Variants in SDK1 observed in about 807,000 individuals in gnomAD.
The protein encoded by SDK1 is protein sidekick-1.
Under a neutral mutation model 245.5 loss-of-function variants are expected in SDK1, and 157 were observed. The ratio of observed to expected loss-of-function variants is 0.64; its 90% confidence interval spans 0.56 to 0.73. The LOEUF (loss-of-function observed/expected upper bound fraction) is 0.73, where lower values mean the gene tolerates loss of function less well. Ranked by LOEUF, SDK1 falls within the 30% of genes least tolerant of loss-of-function variation. The probability of loss-of-function intolerance (pLI) is 0.00; values close to 1 mark genes in which losing one functional copy is unlikely to be tolerated. For missense variants in SDK1, 3,583 were observed against 3,002.3 expected (o/e 1.19, Z -4.52); for synonymous variants, 1,647 against 1,278.5 (o/e 1.29, Z -6.15).
rs375104708 is a variant in SDK1, at chr7:3,349,197, A to AAAG, written c.298+47313_298+47314insAAG. 7.9e-3 allele frequency among the ~76,000 whole-genome samples: 1,188 copies of AAAG among 149,688 alleles called. 5 individuals are homozygous for AAAG. The highest frequency in any genetic ancestry group is 0.017 in the Middle Eastern group (5 of 294). On this transcript the variant is annotated intron_variant, in intron 1 of 44. Coordinates refer to ENST00000404826, the MANE Select transcript of SDK1 (RefSeq NM_152744.4). The stretch of plus-strand genomic sequence containing the variant: ...CCCTGTGGTTGCAGTTTAAAAAAAA[A>AAAG]CAACAAAAAAAACACAACAAAACAA...
At chr7:3,675,085 C>G (rs552148053) in intron 4 of SDK1, among the ~76,000 whole-genome samples, 1 of 152,318 alleles carries the variant, frequency 6.6e-6, no homozygotes, top group South Asian at 2.1e-4. Flanking sequence ...CGTGAGCCAT[C>G]TCCACGTGTG....
chr7:3,522,613 G>C (rs1782979634), intron 1 of SDK1, among the ~76,000 whole-genome samples: 1 of 151,952 alleles, frequency 6.6e-6, no homozygotes, highest in Non-Finnish European at 1.5e-5. Flanking sequence ...TTGATGATTG[G>C]GACCACCTGG....
chr7:3,747,833 T>C (rs1779669714), intron 4 of SDK1, among the ~76,000 whole-genome samples: 1 of 151,864 alleles, frequency 6.6e-6, no homozygotes, highest in African/African-American at 2.4e-5. Context: ...GCAGACCCTG[T>C]ACAGGGAGGC....
chr7:4,234,175 T>G (rs1009757151), intron 41 of SDK1, among the ~76,000 whole-genome samples: 6 of 152,202 alleles, frequency 3.9e-5, no homozygotes, highest in Non-Finnish European at 8.8e-5. Context: ...GTAGCTGCTC[T>G]GGGCTCAAGG....
At chr7:4,214,837 C>G (rs535515079) in intron 38 of SDK1, among the ~76,000 whole-genome samples, 3 of 152,344 alleles carry the variant, frequency 2.0e-5, no homozygotes, top group African/African-American at 4.8e-5. Context: ...CCATGGGGCC[C>G]CCGCCGGGGT....
rs183264701 is a variant in SDK1 at position 3,604,341 on chromosome 7, C to T, written c.299-14739C>T. The stretch of plus-strand genomic sequence containing the variant: ...TATTACTTTTCTCTGTCCCTTTTTA[C>T]TGATTCTGCTCTTACCTTTATTATT... On this transcript the variant is annotated intron_variant, in intron 1 of 44. Transcript: ENST00000404826. Among the ~76,000 whole-genome samples, 17 of 152,232 alleles carry T rather than the reference C, an allele frequency of 1.1e-4. No individual in the cohort carries two copies. In the East Asian group the frequency reaches 2.9e-3, roughly 26 times the overall value.
At chr7:3,529,469 G>A (rs1310057939) in intron 1 of SDK1, among the ~76,000 whole-genome samples, 1 of 152,188 alleles carries the variant, frequency 6.6e-6, no homozygotes, top group African/African-American at 2.4e-5. Context: ...GACTCTCACT[G>A]GCCAAATTTT....
Position 3,965,768 on chromosome 7 carries a change from C to CA in SDK1, c.1430-1550_1430-1549insA, listed in dbSNP as rs1554292113. ...GAGCAGGTGCGGTGGCATATTGAGC[C>CA]GGGGCCTCCCCCAGACAGTGTGGCT... On this transcript the variant is annotated intron_variant, in intron 9 of 44. Transcript: ENST00000404826. Among the ~76,000 whole-genome samples the CA allele has an allele frequency of 7.9e-5, 12 of 151,930 alleles. No homozygotes were observed. The East Asian group carries it at 1.2e-3, about 15-fold the overall frequency.
chr7:4,233,474 G>T (rs559741651), intron 41 of SDK1, 55 bp downstream of exon 41: 87 of 1,542,784 alleles, frequency 5.6e-5, no homozygotes, highest in Non-Finnish European at 7.4e-5. Context: ...GGAGAAATGG[G>T]GTCGAGGGGG....
At chr7:4,158,705 C>T (rs998786942) in intron 31 of SDK1, among the ~76,000 whole-genome samples, 154 bp downstream of exon 31, 8 of 152,176 alleles carry the variant, frequency 5.3e-5, no homozygotes, top group South Asian at 2.1e-4. Context: ...GGAGGGTTTC[C>T]GCACAGCCTG....
At chr7:4,218,399 A>C (rs934217941) in intron 38 of SDK1, among the ~76,000 whole-genome samples, 4 of 152,220 alleles carry the variant, frequency 2.6e-5, no homozygotes, top group Admixed American at 2.0e-4. Flanking sequence ...TCTCAAAAAA[A>C]AAAAGCCAAA....
intron 28 of SDK1, among the ~76,000 whole-genome samples, chr7:4,137,274 G>A (rs1319895750): frequency 6.6e-6 from 1 of 152,228 alleles, no homozygotes; most frequent in African/African-American, 2.4e-5. Context: ...CAGCCTGGGT[G>A]ACAGAGCGAG....
At chr7:3,531,606 A>T (rs1783346286) in intron 1 of SDK1, among the ~76,000 whole-genome samples, 1 of 152,142 alleles carries the variant, frequency 6.6e-6, no homozygotes, top group East Asian at 1.9e-4. Flanking sequence ...AAAATAAGTG[A>T]TACAATGTAT....
intron 1 of SDK1, among the ~76,000 whole-genome samples, chr7:3,455,480 C>G (rs1044373442): frequency 6.7e-6 from 1 of 150,328 alleles, no homozygotes. Context: ...GGTGGAGATT[C>G]ATTTTTCTTT....
chr7:4,040,946 G>A (rs1788585558), intron 17 of SDK1, among the ~76,000 whole-genome samples: 1 of 152,212 alleles, frequency 6.6e-6, no homozygotes, highest in Non-Finnish European at 1.5e-5. Context: ...TATGTCTGCA[G>A]CTCAGTTTTT....
intron 27 of SDK1, among the ~76,000 whole-genome samples, chr7:4,131,249 G>A (rs1034928747): frequency 8.5e-5 from 13 of 152,214 alleles, no homozygotes; most frequent in African/African-American, 2.7e-4. Context: ...CTGGAATGCC[G>A]CTGCTTCCTC....
rs1788524120 is a variant in SDK1 at position 4,267,236 on chromosome 7, CTCT to C, written c.*1857_*1859del. On this transcript the variant is annotated 3_prime_UTR_variant, in exon 45 of 45. Transcript: ENST00000404826. ...TCCTTTCCTTCCTTCCTCCCTTCCT[CTCT>C]TCTTTCCTCCCTCCCTCCCTCCTTC... is the stretch of plus-strand genomic sequence containing the variant. The C allele has an allele frequency of 1.2e-6, 1 of 826,032 alleles. No homozygotes were observed. Among genetic ancestry groups the C allele is most frequent in the Non-Finnish European group, 1.5e-6 (1 of 685,612 alleles). 51.2% of individuals were successfully genotyped at this position (826,032 alleles called of 1,614,324 possible).
chr7:4,066,250 A>G (rs960318720), intron 19 of SDK1, among the ~76,000 whole-genome samples: 9 of 152,012 alleles, frequency 5.9e-5, no homozygotes, highest in African/African-American at 9.7e-5. Flanking sequence ...AGGGGTAGGC[A>G]TGGGGGCATT....
chr7:3,428,117 G>A (rs1429322000), intron 1 of SDK1, among the ~76,000 whole-genome samples: 1 of 152,190 alleles, frequency 6.6e-6, no homozygotes, highest in Non-Finnish European at 1.5e-5. Context: ...ATGCTTTTCT[G>A]TCTGTGTACC....
Sources: gnomAD v4.1 joint callset for allele counts (sites outside exome capture counted in the v4.1 genomes callset) on GRCh38, gnomAD v4.1.1 for gene constraint, MANE v1.5 for transcripts, NCBI Gene and HGNC (gene_info 2026-07-23, HGNC 2026-07-21) for gene names.